ERICH6B: variants seen among roughly 807,000 people sequenced by gnomAD.
The protein encoded by ERICH6B is glutamate-rich protein 6B.
ERICH6B carries 69 observed loss-of-function variants against 80.0 expected under a neutral mutation model. The ratio of observed to expected loss-of-function variants is 0.86; its 90% CI spans 0.71 to 1.05. The LOEUF (loss-of-function observed/expected upper bound fraction) is 1.05. Ranked by LOEUF, ERICH6B falls within the 50% of genes least tolerant of loss-of-function variation. The probability of loss-of-function intolerance (pLI) is 0.00; values close to 1 mark genes in which losing one functional copy is unlikely to be tolerated. For synonymous variants in ERICH6B, 283 were observed against 291.9 expected (o/e 0.97, Z 0.31); for missense variants, 754 against 796.1 (o/e 0.95, Z 0.64).
chr13:45,610,857 G>GTATA (rs1555306981), intron 1 of ERICH6B, among the ~76,000 whole-genome samples: 1 of 146,972 alleles, frequency 6.8e-6, no homozygotes, highest in African/African-American at 2.5e-5. Flanking sequence ...GTGTGTGTGT[G>GTATA]TATATATATA....
intron 9 of ERICH6B, 133 bp downstream of exon 9, chr13:45,568,176 TTCCTGC>T: frequency 1.1e-6 from 1 of 949,308 alleles, no homozygotes; most frequent in Non-Finnish European, 1.5e-6. Flanking sequence ...GCTTGGCCTG[TTCCTGC>T]TCCTTGACTC....
intron 1 of ERICH6B, among the ~76,000 whole-genome samples, chr13:45,608,235 G>C (rs1489399483): frequency 6.6e-6 from 1 of 152,182 alleles, no homozygotes; most frequent in African/African-American, 2.4e-5. Context: ...TTAAGTTAAA[G>C]GCACTGAAAA....
At chr13:45,594,756 A>C (rs1354188248) in intron 3 of ERICH6B, among the ~76,000 whole-genome samples, 1 of 152,154 alleles carries the variant, frequency 6.6e-6, no homozygotes, top group Non-Finnish European at 1.5e-5. Flanking sequence ...GGAATGCAAA[A>C]ATTCAGGCTG....
intron 2 of ERICH6B, among the ~76,000 whole-genome samples, chr13:45,601,278 T>G (rs546052622): frequency 6.6e-6 from 1 of 152,174 alleles, no homozygotes; most frequent in African/African-American, 2.4e-5. Flanking sequence ...CTGTGGGGCA[T>G]GGTGGTGCGC....
intron 2 of ERICH6B, among the ~76,000 whole-genome samples, chr13:45,601,202 A>G (rs938270019): frequency 5.9e-5 from 9 of 152,128 alleles, no homozygotes; most frequent in Non-Finnish European, 1.2e-4. Flanking sequence ...TTCAGAATTG[A>G]GTCCAGTTCT....
Position 45,553,629 on chromosome 13 carries a change from T to C in ERICH6B, c.1408-3313A>G, listed in dbSNP as rs574416290. ...TGACCTTACAAAATATGCACTATCA[T>C]TAATTCCTGTTTAAGAGAGGCTAAA... On this transcript the variant is annotated intron_variant, in intron 11 of 14. Transcript: ENST00000298738. Among the ~76,000 whole-genome samples, 36 of 152,292 alleles carry C rather than the reference T, an allele frequency of 2.4e-4. No individual in the cohort carries two copies. In the East Asian group the frequency reaches 6.8e-3, roughly 29 times the overall value.
intron 11 of ERICH6B, among the ~76,000 whole-genome samples, chr13:45,554,425 T>A (rs1483940351): frequency 1.3e-5 from 2 of 152,244 alleles, no homozygotes; most frequent in Admixed American, 1.3e-4. Context: ...GTTTGCCTGG[T>A]GACCTGTTGG....
intron 1 of ERICH6B, among the ~76,000 whole-genome samples, chr13:45,612,942 C>T (rs548038830): frequency 1.3e-4 from 20 of 152,140 alleles, no homozygotes; most frequent in African/African-American, 3.1e-4. Flanking sequence ...TCCCAGGTCA[C>T]GTAGAGGCCA....
intron 2 of ERICH6B, among the ~76,000 whole-genome samples, chr13:45,605,539 C>T (rs921746034): frequency 1.3e-5 from 2 of 152,330 alleles, no homozygotes; most frequent in African/African-American, 4.8e-5. Flanking sequence ...TCAAATAACT[C>T]CACCAAGGTC....
intron 11 of ERICH6B, among the ~76,000 whole-genome samples, chr13:45,558,674 G>C (rs575883769): frequency 6.6e-6 from 1 of 152,248 alleles, no homozygotes; most frequent in Non-Finnish European, 1.5e-5. Flanking sequence ...TGCTTTTTCT[G>C]TGTCTATTGA....
chr13:45,593,718 A>G (rs973691593), intron 3 of ERICH6B, among the ~76,000 whole-genome samples: 1 of 152,202 alleles, frequency 6.6e-6, no homozygotes, highest in African/African-American at 2.4e-5. Flanking sequence ...AAGTAGATAA[A>G]TAAATGACAC....
Position 45,574,936 on chromosome 13 carries a change from G to C in ERICH6B, c.962-6C>G. ...TTTAGAAGCAAACTCCAGGACTTTCGATTTTGGAAGGAGCGTCGAAAGGAA... is the reference window on the plus strand; with the variant it reads ...TTTAGAAGCAAACTCCAGGACTTTCCATTTTGGAAGGAGCGTCGAAAGGAA... On this transcript the variant is annotated splice_region_variant and splice_polypyrimidine_tract_variant and intron_variant, in intron 7 of 14. Coordinates refer to ENST00000298738, the MANE Select transcript of ERICH6B (RefSeq NM_182542.3). 6.5e-7 allele frequency: 1 copy of C among 1,546,400 alleles called. No homozygotes were observed. The highest frequency in any genetic ancestry group is 8.7e-7 in the Non-Finnish European group (1 of 1,143,332).
chr13:45,561,266 T>C, intron 11 of ERICH6B, 103 bp downstream of exon 11: 1 of 1,175,900 alleles, frequency 8.5e-7, no homozygotes, highest in Non-Finnish European at 1.2e-6. Context: ...GTGTTTACAT[T>C]GTGTGTTGTT....
chr13:45,577,345 G>A (rs569121738), intron 7 of ERICH6B, among the ~76,000 whole-genome samples: 3 of 141,692 alleles, frequency 2.1e-5, no homozygotes, highest in South Asian at 2.4e-4. Context: ...GTGCAGTGGC[G>A]CGATCTCAGC....
chr13:45,562,191 C>T (rs896196603), intron 10 of ERICH6B, among the ~76,000 whole-genome samples: 13 of 152,154 alleles, frequency 8.5e-5, no homozygotes, highest in African/African-American at 3.1e-4. Flanking sequence ...GCTGGGATTA[C>T]AGGCGTGTGC....
In ERICH6B at chr13:45,596,385, A is replaced by C; in HGVS notation, c.621T>G (p.Tyr207Ter). ...GATACTCACCTTTCAGATACTTTTTATACAGATTTTCTTTTCCATCCAGAT... is the reference window on the plus strand; with the variant it reads ...GATACTCACCTTTCAGATACTTTTTCTACAGATTTTCTTTTCCATCCAGAT... The part of the protein sequence containing the change: ...EENLDGKENL[Y>*]KKYLKEPKAS... Residue 207 changes from tyrosine (Y) to a stop codon, truncating the protein, a stop_gained, in exon 3 of 15, where the codon TAT becomes TAG. Transcript: ENST00000298738. LOFTEE classifies it high-confidence loss of function. The C allele has an allele frequency of 6.5e-7, 1 of 1,550,142 alleles. No individual in the cohort carries two copies. The highest frequency in any genetic ancestry group is 8.7e-7 in the Non-Finnish European group (1 of 1,146,540).
At chr13:45,550,554 A>G (rs978494681) in intron 11 of ERICH6B, among the ~76,000 whole-genome samples, 2 of 152,196 alleles carry the variant, frequency 1.3e-5, no homozygotes, top group African/African-American at 2.4e-5. Flanking sequence ...ATGATTATTG[A>G]TTGCATTAGA....
At chr13:45,560,422 A>G (rs994174801) in intron 11 of ERICH6B, among the ~76,000 whole-genome samples, 8 of 152,160 alleles carry the variant, frequency 5.3e-5, no homozygotes, top group African/African-American at 1.9e-4. Context: ...CCCACCTGAG[A>G]GTGGTACATT....
intron 11 of ERICH6B, among the ~76,000 whole-genome samples, chr13:45,554,373 G>A (rs1397416719): frequency 6.6e-6 from 1 of 152,138 alleles, no homozygotes; most frequent in Non-Finnish European, 1.5e-5. Flanking sequence ...TCTGTTGATA[G>A]AGACTTGGTT....
Sources: allele counts gnomAD v4.1 joint callset (sites outside exome capture counted in the v4.1 genomes callset), GRCh38; gene constraint gnomAD v4.1.1; transcripts MANE v1.5; gene names NCBI Gene and HGNC (gene_info 2026-07-23, HGNC 2026-07-21).